Variants in FAM53C observed in about 807,000 individuals in gnomAD.
FAM53C encodes the protein protein FAM53C.
Under a neutral mutation model 34.7 loss-of-function variants are expected in FAM53C, and 10 were observed. The ratio of observed to expected loss-of-function variants is 0.29; its 90% CI spans 0.18 to 0.49. The LOEUF (loss-of-function observed/expected upper bound fraction) is 0.49, where lower values mean the gene tolerates loss of function less well. Ranked by LOEUF, FAM53C falls within the 20% of genes least tolerant of loss-of-function variation. The pLI, the probability that FAM53C is intolerant of heterozygous loss-of-function variation, is 0.99. For missense variants in FAM53C, 442 were observed against 515.3 expected, an observed-to-expected ratio of 0.86 and a Z score of 1.38; for synonymous variants, 203 against 203.6, an observed-to-expected ratio of 1.00 and a Z score of 0.03.
chr5:138,347,085 A>G lies in FAM53C; in HGVS notation c.*126A>G. On this transcript the variant is annotated 3_prime_UTR_variant, in exon 5 of 5. Coordinates refer to ENST00000239906, the MANE Select transcript of FAM53C (RefSeq NM_016605.3). ...TGAGTGGAGGGCTCCGACTCAGGGC[A>G]GCTGGAAATCTTCTCGCTCCAGCAA... 2 of 1,325,716 alleles carry G rather than the reference A, an allele frequency of 1.5e-6. No homozygotes were observed. The highest frequency in any genetic ancestry group is 2.1e-6 in the Non-Finnish European group (2 of 962,620). The allele number at this position is 1,325,716 out of a possible 1,614,324, so 82.1% of individuals were successfully genotyped here. A position where few individuals can be genotyped will look rare whatever the true frequency, so the allele number is the denominator to read the frequency against.
chr5:138,344,408 C>T (rs1761112438), intron 3 of FAM53C, among the ~76,000 whole-genome samples: 1 of 152,252 alleles, frequency 6.6e-6, no homozygotes, highest in Non-Finnish European at 1.5e-5. Context: ...TTTCAGCATC[C>T]AGGGCAAGCG....
upstream of FAM53C, chr5:138,338,014 C>A (rs1264341601): frequency 1.6e-6 from 2 of 1,289,554 alleles, no homozygotes; most frequent in African/African-American, 3.0e-5. Flanking sequence ...TGGGGCCGTC[C>A]ACTTTCTGCG....
intron 4 of FAM53C, 29 bp from the exon 5 acceptor site, chr5:138,346,673 T>A (rs1580860514): frequency 5.6e-6 from 9 of 1,613,140 alleles, no homozygotes; most frequent in Non-Finnish European, 7.6e-6. Context: ...TGCCTTCAGG[T>A]GTAACTGTCT....
At chr5:138,341,012 C>T (rs879665250) in intron 1 of FAM53C, among the ~76,000 whole-genome samples, 172 bp from the exon 2 acceptor site, 2 of 152,186 alleles carry the variant, frequency 1.3e-5, no homozygotes, top group Non-Finnish European at 2.9e-5. Flanking sequence ...TCTGGACTGC[C>T]AAGTTCATAA....
intron 3 of FAM53C, chr5:138,342,650 C>T (rs1486078675): frequency 6.6e-6 from 1 of 151,704 alleles, no homozygotes; most frequent in Non-Finnish European, 1.5e-5. Flanking sequence ...TCACTTGAAC[C>T]CAGGAGGTAG....
upstream of FAM53C, chr5:138,337,914 GC>G: frequency 7.9e-7 from 1 of 1,265,236 alleles, no homozygotes; most frequent in Non-Finnish European, 1.0e-6. Context: ...CTGCAGTTGG[GC>G]CGTTGGAGGG....
At chr5:138,346,556 A>G (rs1051019201) in intron 4 of FAM53C, 146 bp from the exon 5 acceptor site, 35 of 978,254 alleles carry the variant, frequency 3.6e-5, no homozygotes, top group South Asian at 1.3e-4. Flanking sequence ...CCCGGGAGGC[A>G]GAGCTTGCAG....
chr5:138,345,839 C>T lies in FAM53C; in HGVS notation c.921+230C>T, dbSNP rs1254477480. ...GCCTTAATCCTGGGAGTTAGAGAAA[C>T]TGGGGTGAGACCCATGTTAAACCTT... On this transcript the variant is annotated intron_variant, in intron 4 of 4. Transcript: ENST00000239906. This position sits in a 1 kb window ranked among gnomAD's most constrained non-coding sequence, Gnocchi z 6.3. 1.3e-5 allele frequency among the ~76,000 whole-genome samples: 2 copies of T among 152,258 alleles called. No individual in the cohort carries two copies. Among genetic ancestry groups the T allele is most frequent in the African/African-American group, 4.8e-5 (2 of 41,468 alleles).
chr5:138,341,608 A>T, intron 2 of FAM53C, 195 bp downstream of exon 2: 1 of 736,976 alleles, frequency 1.4e-6, no homozygotes, highest in South Asian at 1.7e-5. Context: ...GGGACAGCAA[A>T]ACTTGGGTGG....
At chr5:138,344,135 G>A (rs1761105053) in intron 3 of FAM53C, among the ~76,000 whole-genome samples, 1 of 152,144 alleles carries the variant, frequency 6.6e-6, no homozygotes, top group African/African-American at 2.4e-5. Context: ...CCATCTGTTT[G>A]GATTTAAGAG....
upstream of FAM53C, chr5:138,338,264 T>A (rs1760861788): frequency 2.0e-6 from 2 of 1,012,130 alleles, no homozygotes; most frequent in Non-Finnish European, 2.7e-6. Context: ...AACCGAGCGC[T>A]CAGAGCTGCT....
chr5:138,345,009 T>G lies in FAM53C; in HGVS notation c.321T>G (p.Pro107=). ...RPEPPDPEKL[P]VPPAPPSKRH... ...AGCCCCCAGATCCAGAGAAGCTTCC[T>G]GTGCCCCCTGCCCCTCCATCCAAGA... Residue 107 remains proline (P), a synonymous_variant, in exon 4 of 5, where the codon CCT becomes CCG. Transcript: ENST00000239906. This position sits in a 1 kb window ranked among gnomAD's most constrained non-coding sequence, Gnocchi z 6.3. 1 of 1,613,800 alleles carries G rather than the reference T, an allele frequency of 6.2e-7. No homozygotes were observed. Among genetic ancestry groups the G allele is most frequent in the Non-Finnish European group, 8.5e-7 (1 of 1,179,822 alleles).
At chr5:138,338,449 AC>A (rs1760889415) in intron 1 of FAM53C, 142 bp downstream of exon 1, 2 of 329,486 alleles carry the variant, frequency 6.1e-6, no homozygotes, top group Non-Finnish European at 1.2e-5. Flanking sequence ...AGAGCACGGG[AC>A]CCGGTGGGGG....
rs1046696925 is a variant in FAM53C, at chr5:138,345,981, T to C, written c.921+372T>C. On this transcript the variant is annotated intron_variant, in intron 4 of 4. Transcript: ENST00000239906. The surrounding 1 kb of genome is among the most constrained non-coding windows in gnomAD (Gnocchi z 6.3). ...TTGTGCCCAAAGCTGTTTTTGCCAC[T>C]TGCCTGTCACTGCTTCAAAGTGGGT... 1.3e-5 allele frequency among the ~76,000 whole-genome samples: 2 copies of C among 152,254 alleles called. No individual in the cohort carries two copies. Among genetic ancestry groups the C allele is most frequent in the African/African-American group, 4.8e-5 (2 of 41,474 alleles).
At position 138,346,818 on chromosome 5, in the gene FAM53C, TG is replaced by T; in HGVS notation, c.1043del (p.Gly348ValfsTer6). The T allele has an allele frequency of 6.2e-7, 1 of 1,614,012 alleles. No homozygotes were observed. Among genetic ancestry groups the T allele is most frequent in the Non-Finnish European group, 8.5e-7 (1 of 1,180,000 alleles). On this transcript the variant is annotated frameshift_variant, in exon 5 of 5. Coordinates refer to ENST00000239906, the MANE Select transcript of FAM53C (RefSeq NM_016605.3). LOFTEE classifies it high-confidence loss of function. ...PPLSASCSPTGGSSQVLSESE... is the reference protein window; with the variant it reads ...PPLSASCSPTXGSSQVLSESE... ...CCCTCTCTGCTTCCTGCAGCCCCAC[TG>T]GGGGTTCCTCCCAGGTGCTGAGTGA...
rs1044530999 is a variant in FAM53C, at chr5:138,348,226, T to G, written c.*1267T>G. ...GGCTCACTGAGGGATTGGCTGAGGA[T>G]GTATAAAGCAAAGGCTGTGAGAAGC... On this transcript the variant is annotated 3_prime_UTR_variant, in exon 5 of 5. Coordinates refer to ENST00000239906, the MANE Select transcript of FAM53C (RefSeq NM_016605.3). 3 of 152,636 alleles carry G rather than the reference T, an allele frequency of 2.0e-5. No homozygotes were observed. The highest frequency in any genetic ancestry group is 7.2e-5 in the African/African-American group (3 of 41,434). 9.5% of individuals were successfully genotyped at this position (152,636 alleles called of 1,614,324 possible). A position where few individuals can be genotyped will look rare whatever the true frequency, so the allele number is the denominator to read the frequency against.
chr5:138,339,079 G>C (rs557213007), intron 1 of FAM53C, among the ~76,000 whole-genome samples: 17 of 152,294 alleles, frequency 1.1e-4, no homozygotes, highest in African/African-American at 4.1e-4. Context: ...GGGTTGCTGA[G>C]AGGGCCTAGC....
rs740074 is a variant in FAM53C at position 138,348,641 on chromosome 5, C to T, written c.*1682C>T. 0.26 allele frequency: 38,869 copies of T among 152,094 alleles called. 5,636 individuals carry two copies. The highest frequency in any genetic ancestry group is 0.56 in the East Asian group (2,916 of 5,182). The allele number at this position is 152,094 out of a possible 1,614,324, so 9.4% of individuals were successfully genotyped here. A position where few individuals can be genotyped will look rare whatever the true frequency, so the allele number is the denominator to read the frequency against. ...AGCATCAGTGAGGCTTCAGCCTCCTCGTCTCCACTCCAGAGAGGAGGTGGC... is the reference window on the plus strand; with the variant it reads ...AGCATCAGTGAGGCTTCAGCCTCCTTGTCTCCACTCCAGAGAGGAGGTGGC... On this transcript the variant is annotated 3_prime_UTR_variant, in exon 5 of 5. Coordinates refer to ENST00000239906, the MANE Select transcript of FAM53C (RefSeq NM_016605.3).
rs71596570 is a variant in FAM53C, at chr5:138,345,433, C to T, written c.745C>T (p.Arg249Trp). ...PQASRFLPSA[R>W]SSPASSPELP... ...GGCAAGCCGCTTCTTGCCCTCTGCC[C>T]GGAGCTCTCCCGCATCCTCCCCAGA... Residue 249 changes from arginine to tryptophan, a missense_variant, in exon 4 of 5, where the codon CGG becomes TGG. By Grantham distance (101) the Arg-to-Trp change is moderately radical (BLOSUM62 -3). Transcript: ENST00000239906. The surrounding 1 kb of genome is among the most constrained non-coding windows in gnomAD (Gnocchi z 6.3). 1.6e-4 allele frequency: 259 copies of T among 1,613,920 alleles called. No homozygotes were observed. The highest frequency in any genetic ancestry group is 4.0e-4 in the East Asian group (18 of 44,876).
Sources: allele counts gnomAD v4.1 joint callset (sites outside exome capture counted in the v4.1 genomes callset), GRCh38; gene constraint gnomAD v4.1.1; non-coding constraint Gnocchi (gnomAD v3.1); transcripts MANE v1.5; gene names NCBI Gene and HGNC (gene_info 2026-07-23, HGNC 2026-07-21).